Variants in LPIN2 observed in about 807,000 individuals in gnomAD.
The protein encoded by LPIN2 is phosphatidate phosphatase LPIN2.
A neutral mutation model predicts 111.4 loss-of-function variants in LPIN2; 55 were observed. That is an observed-to-expected ratio of 0.49 (90% CI 0.40 to 0.62). The LOEUF (loss-of-function observed/expected upper bound fraction) is 0.62, where lower values mean the gene tolerates loss of function less well. Among genes scored for constraint, LPIN2 ranks in the 20% least tolerant of loss-of-function variants. The pLI is 0.00. For missense variants in LPIN2, 992 were observed against 1,112.1 expected, an observed-to-expected ratio of 0.89 and a Z score of 1.54; for synonymous variants, 425 against 414.0, an observed-to-expected ratio of 1.03 and a Z score of -0.32.
intron 1 of LPIN2, among the ~76,000 whole-genome samples, chr18:2,996,565 G>C (rs946109994): frequency 4.2e-5 from 6 of 141,808 alleles, no homozygotes; most frequent in Admixed American, 7.3e-5. Context: ...GCAAGCTCCG[G>C]CTCCCAGGTT....
intron 4 of LPIN2, among the ~76,000 whole-genome samples, chr18:2,944,552 G>A (rs561989405): frequency 4.6e-5 from 7 of 151,590 alleles, no homozygotes; most frequent in Middle Eastern, 3.4e-3. Flanking sequence ...GGGTTTCACC[G>A]TGTTAGCCAG....
intron 1 of LPIN2, among the ~76,000 whole-genome samples, chr18:2,986,067 G>C (rs554864754): frequency 1.3e-5 from 2 of 151,360 alleles, no homozygotes; most frequent in African/African-American, 2.4e-5. Context: ...TTTTCATTTA[G>C]AGCCAAATGG....
At position 2,951,155 on chromosome 18, in the gene LPIN2, G is replaced by C. The variant is rs368650663; in HGVS notation, c.490C>G (p.Gln164Glu). 2 of 1,614,000 alleles carry C rather than the reference G, an allele frequency of 1.2e-6. No homozygotes were observed. The highest frequency in any genetic ancestry group is 2.7e-5 in the African/African-American group (2 of 74,902). The change falls in exon 4 of 20, where the codon CAG becomes GAG. Residue 164 changes from glutamine (Q) to glutamate (E), a missense_variant. Around this residue, in one of 4 missense-constraint regions of LPIN2, gnomAD observed 709 missense variants for 753.2 expected, o/e 0.94. Coordinates refer to ENST00000677752, the MANE Select transcript of LPIN2 (RefSeq NM_001375808.2). ...GCCTGCTCTTCCTTCTTACTGTCCT[G>C]TTTGTATTTCTTTCTCCTTCGTTTT... ...KKKRRRKKYKQDSKKEEQAAS... is the reference protein window; with the variant it reads ...KKKRRRKKYKEDSKKEEQAAS...
At chr18:2,998,214 C>T (rs1239909517) in intron 1 of LPIN2, among the ~76,000 whole-genome samples, 1 of 152,232 alleles carries the variant, frequency 6.6e-6, no homozygotes, top group Non-Finnish European at 1.5e-5. Flanking sequence ...AGCACTGCTG[C>T]AATCAATGCC....
intron 1 of LPIN2, chr18:3,012,049 G>T (rs537910137): frequency 6.6e-6 from 1 of 152,248 alleles, no homozygotes; most frequent in Non-Finnish European, 1.5e-5. Context: ...TTTCAAAACC[G>T]ACTTTGTATT....
At chr18:2,934,228 C>G (rs2077253220) in intron 8 of LPIN2, 123 bp downstream of exon 8, 2 of 707,478 alleles carry the variant, frequency 2.8e-6, no homozygotes, top group South Asian at 3.3e-5. Context: ...AAACCTGAAG[C>G]CATCATCAGA....
chr18:2,917,157 G>A lies in LPIN2; in HGVS notation c.*3136C>T, dbSNP rs1328923176. The A allele has an allele frequency of 1.3e-5, 2 of 152,194 alleles. No individual in the cohort carries two copies. Among genetic ancestry groups the A allele is most frequent in the Non-Finnish European group, 2.9e-5 (2 of 68,038 alleles). 9.4% of individuals were successfully genotyped at this position (152,194 alleles called of 1,614,324 possible). A position where few individuals can be genotyped will look rare whatever the true frequency, so the allele number is the denominator to read the frequency against. On this transcript the variant is annotated 3_prime_UTR_variant, in exon 20 of 20. Coordinates refer to ENST00000677752, the MANE Select transcript of LPIN2 (RefSeq NM_001375808.2). ...ACTTTGGACAACTTAAAACTTATTA[G>A]TGACATTGCTGTCTAATAATCAAAT...
At chr18:2,928,501 C>T in intron 11 of LPIN2, 90 bp downstream of exon 11, 3 of 1,230,736 alleles carry the variant, frequency 2.4e-6, no homozygotes, top group Non-Finnish European at 3.6e-6. Context: ...TTGAATAGTA[C>T]CCAGTTCAGA....
chr18:2,945,959 A>T (rs2077445471), intron 4 of LPIN2: 25 of 1,402,806 alleles, frequency 1.8e-5, no homozygotes, highest in Non-Finnish European at 1.0e-6. Context: ...TTTCTTCTAC[A>T]ACAGCTCCAG....
chr18:3,012,275 A>C (rs1368322963), intron 1 of LPIN2, among the ~76,000 whole-genome samples: 2 of 152,204 alleles, frequency 1.3e-5, no homozygotes, highest in Non-Finnish European at 2.9e-5. Context: ...AAGTATTCAG[A>C]GTTCCAGTAC....
intron 1 of LPIN2, among the ~76,000 whole-genome samples, chr18:2,993,131 C>T (rs145040453): frequency 2.8e-5 from 4 of 145,270 alleles, no homozygotes; most frequent in Non-Finnish European, 5.9e-5. Flanking sequence ...GGAAACAGAG[C>T]GAGACCCTGA....
chr18:2,966,525 C>G (rs1568585173), intron 1 of LPIN2, among the ~76,000 whole-genome samples: 1 of 152,294 alleles, frequency 6.6e-6, no homozygotes, highest in African/African-American at 2.4e-5. Context: ...AATATTCAAA[C>G]TCAAGTATGA....
chr18:2,937,188 C>G (rs566878870), intron 7 of LPIN2, among the ~76,000 whole-genome samples: 1 of 152,216 alleles, frequency 6.6e-6, no homozygotes, highest in Non-Finnish European at 1.5e-5. Context: ...CAGCAGTGTG[C>G]AAGTCAGGCC....
At chr18:2,993,209 AAAG>A (rs1440398249) in intron 1 of LPIN2, among the ~76,000 whole-genome samples, 4 of 151,872 alleles carry the variant, frequency 2.6e-5, no homozygotes, top group African/African-American at 7.3e-5. Context: ...AACAAAGAAG[AAAG>A]AAGAAGAAAG....
chr18:2,930,013 G>A (rs1372651186), intron 9 of LPIN2, among the ~76,000 whole-genome samples: 2 of 152,198 alleles, frequency 1.3e-5, no homozygotes, highest in African/African-American at 4.8e-5. Flanking sequence ...CTCAAGGTCT[G>A]TGAAATAAAT....
chr18:2,961,479 G>A (rs557680106), intron 1 of LPIN2, among the ~76,000 whole-genome samples: 7 of 152,042 alleles, frequency 4.6e-5, no homozygotes, highest in African/African-American at 7.3e-5. Context: ...ATAACTAACT[G>A]GAACATGCAA....
intron 2 of LPIN2, among the ~76,000 whole-genome samples, chr18:2,958,166 A>AAAAAAC (rs2077648972): frequency 2.7e-5 from 4 of 146,090 alleles, no homozygotes; most frequent in East Asian, 4.2e-4. Flanking sequence ...AACAACAAAA[A>AAAAAAC]AAAAAAACAG....
chr18:2,961,351 T>G (rs1042835583), intron 1 of LPIN2, among the ~76,000 whole-genome samples: 1 of 152,190 alleles, frequency 6.6e-6, no homozygotes, highest in Non-Finnish European at 1.5e-5. Context: ...AAGGAACTAT[T>G]ATTACCAGAA....
At chr18:2,926,587 C>A in intron 13 of LPIN2, 136 bp downstream of exon 13, 1 of 733,332 alleles carries the variant, frequency 1.4e-6, no homozygotes, top group Admixed American at 2.2e-5. Flanking sequence ...TGCTGAGTGG[C>A]ACAAATATAT....
Sources: gnomAD v4.1 joint callset for allele counts (sites outside exome capture counted in the v4.1 genomes callset) on GRCh38, gnomAD v4.1.1 for gene constraint, gnomAD v4.1.1 regional missense constraint, MANE v1.5 for transcripts, NCBI Gene and HGNC (gene_info 2026-07-23, HGNC 2026-07-21) for gene names.